The following DOCK4 variants were observed in gnomAD, a reference collection of about 807,000 sequenced individuals.
The protein encoded by DOCK4 is dedicator of cytokinesis 4.
Under a neutral mutation model 268.1 loss-of-function variants are expected in DOCK4, and 97 were observed. The ratio of observed to expected loss-of-function variants is 0.36; its 90% CI spans 0.31 to 0.43. The LOEUF (loss-of-function observed/expected upper bound fraction) is 0.43, where lower values mean the gene tolerates loss of function less well. DOCK4 is among the 20% of genes least tolerant of loss of function. The probability of loss-of-function intolerance (pLI) is 1.00; values close to 1 mark genes in which losing one functional copy is unlikely to be tolerated. For missense variants in DOCK4, 2,145 were observed against 2,455.7 expected, an observed-to-expected ratio of 0.87 and a Z score of 2.67; for synonymous variants, 954 against 887.2, an observed-to-expected ratio of 1.08 and a Z score of -1.34.
chr7:111,728,326 G>A lies in DOCK4; in HGVS notation c.5876C>T (p.Thr1959Ile). ...GGGCCTGGGCCGCGGGCCGGGGTCAGTCCTCCGGGCCCCATTCTCCAGGTG... is the reference window on the plus strand; with the variant it reads ...GGGCCTGGGCCGCGGGCCGGGGTCAATCCTCCGGGCCCCATTCTCCAGGTG... ...SSHLENGARRTDPGPRPRPLP... is the reference protein window; with the variant it reads ...SSHLENGARRIDPGPRPRPLP... The change falls in exon 53 of 53, where the codon ACT (threonine) becomes ATT (isoleucine). Residue 1959 changes from threonine to isoleucine, a missense_variant. Thr to Ile is a moderately conservative substitution (Grantham distance 89, BLOSUM62 -1). Around this residue, in one of 2 missense-constraint regions of DOCK4, gnomAD observed 547 missense variants for 469.0 expected, o/e 1.17. Coordinates refer to ENST00000428084, the MANE Select transcript of DOCK4 (RefSeq NM_001363540.2). 1 of 1,515,562 alleles carries A rather than the reference G, an allele frequency of 6.6e-7. No individual in the cohort carries two copies. Among genetic ancestry groups the A allele is most frequent in the Non-Finnish European group, 8.8e-7 (1 of 1,133,936 alleles). 93.9% of individuals were successfully genotyped at this position (1,515,562 alleles called of 1,614,324 possible).
intron 23 of DOCK4, among the ~76,000 whole-genome samples, chr7:111,847,742 G>A (rs566832275): frequency 1.3e-5 from 2 of 152,296 alleles, no homozygotes; most frequent in South Asian, 4.1e-4. Flanking sequence ...CGCCATGATT[G>A]TGAGGCCTTC....
At position 111,752,086 on chromosome 7, in the gene DOCK4, A is replaced by G. The variant is rs572751705; in HGVS notation, c.4416+3429T>C. On this transcript the variant is annotated intron_variant, in intron 42 of 52. Coordinates refer to ENST00000428084, the MANE Select transcript of DOCK4 (RefSeq NM_001363540.2). The stretch of plus-strand genomic sequence containing the variant: ...GTGACAATATTTCAGGTTTTTAAAA[A>G]TAAATATGAATACTAAAATATTTGT... 2.0e-5 allele frequency among the ~76,000 whole-genome samples: 3 copies of G among 152,368 alleles called. No individual in the cohort carries two copies. The East Asian group carries it at 5.8e-4, about 29-fold the overall frequency.
intron 1 of DOCK4, among the ~76,000 whole-genome samples, chr7:112,037,563 T>C (rs752064444): frequency 4.6e-5 from 7 of 152,242 alleles, no homozygotes; most frequent in South Asian, 2.1e-4. Context: ...AGATACTCTA[T>C]TATGCCTGCC....
intron 1 of DOCK4, among the ~76,000 whole-genome samples, chr7:112,076,249 AAC>A (rs1371095569): frequency 1.3e-5 from 2 of 152,116 alleles, no homozygotes; most frequent in Non-Finnish European, 2.9e-5. Context: ...GTTTACAGTA[AAC>A]ACACAATAAA....
At position 111,895,776 on chromosome 7, in the gene DOCK4, G is replaced by A. The variant is rs1586295912; in HGVS notation, c.1481-58C>T. 6.0e-6 allele frequency: 9 copies of A among 1,490,524 alleles called. No homozygotes were observed. The East Asian group carries it at 1.8e-4, about 30-fold the overall frequency. 92.3% of individuals were successfully genotyped at this position (1,490,524 alleles called of 1,614,324 possible). A position where few individuals can be genotyped will look rare whatever the true frequency, so the allele number is the denominator to read the frequency against. On this transcript the variant is annotated intron_variant, in intron 15 of 52. Coordinates refer to ENST00000428084, the MANE Select transcript of DOCK4 (RefSeq NM_001363540.2). ...GTATCTATGTTCAGGTACATAGTTT[G>A]TCAAGAAGCATAATCATCGAGAAAT... is the stretch of plus-strand genomic sequence containing the variant.
chr7:111,752,184 A>T (rs1344386321), intron 42 of DOCK4, among the ~76,000 whole-genome samples: 1 of 152,254 alleles, frequency 6.6e-6, no homozygotes, highest in Non-Finnish European at 1.5e-5. Flanking sequence ...AGACATGTAG[A>T]TGAAACAAAA....
chr7:112,046,763 T>A (rs1044535972), intron 1 of DOCK4, among the ~76,000 whole-genome samples: 1 of 152,156 alleles, frequency 6.6e-6, no homozygotes, highest in African/African-American at 2.4e-5. Context: ...CTACATATGA[T>A]GTGAGCCCTA....
chr7:111,821,024 CT>C (rs1694235137), intron 27 of DOCK4: 1 of 147,690 alleles, frequency 6.8e-6, no homozygotes, highest in Non-Finnish European at 1.5e-5. Context: ...CTAAAGAGAG[CT>C]ATTTCAACAC....
At chr7:111,952,521 A>T (rs757209343) in intron 8 of DOCK4, among the ~76,000 whole-genome samples, 19 of 152,198 alleles carry the variant, frequency 1.2e-4, no homozygotes, top group Non-Finnish European at 2.4e-4. Context: ...ATCTTTCTGC[A>T]TGGATTTATA....
chr7:112,168,854 G>A (rs1817833291), intron 1 of DOCK4, among the ~76,000 whole-genome samples: 1 of 152,232 alleles, frequency 6.6e-6, no homozygotes. Context: ...TGTTGTCCCA[G>A]TTTGGATCAG....
chr7:111,946,919 A>G (rs1019775854), intron 8 of DOCK4, among the ~76,000 whole-genome samples: 2 of 152,230 alleles, frequency 1.3e-5, no homozygotes, highest in African/African-American at 4.8e-5. Flanking sequence ...GTGTGACACT[A>G]TTTATGTTCA....
At chr7:111,868,572 T>C (rs942475275) in intron 21 of DOCK4, among the ~76,000 whole-genome samples, 1 of 151,928 alleles carries the variant, frequency 6.6e-6, no homozygotes, top group African/African-American at 2.4e-5. Context: ...TGGCCAGGCA[T>C]GGTGGCCCAT....
Position 111,877,129 on chromosome 7 carries a change from T to G in DOCK4, c.1645A>C (p.Lys549Gln). ...TTRYLKLPFSKGIFLGNNNQA... is the reference protein window; with the variant it reads ...TTRYLKLPFSQGIFLGNNNQA... ...TTATTATTCCCAAGGAAAATGCCCT[T>G]GGAAAAGGGAAGTTTGAGGTAGCGG... Residue 549 changes from lysine (K) to glutamine (Q), a missense_variant, in exon 17 of 53, where the codon AAG (lysine) becomes CAG (glutamine). Physicochemically the swap from Lys to Gln is moderately conservative, Grantham distance 53. Around this residue, in one of 2 missense-constraint regions of DOCK4, gnomAD observed 1,598 missense variants for 1,986.7 expected, o/e 0.80. Coordinates refer to ENST00000428084, the MANE Select transcript of DOCK4 (RefSeq NM_001363540.2). 1 of 1,592,158 alleles carries G rather than the reference T, an allele frequency of 6.3e-7. No homozygotes were observed. Among genetic ancestry groups the G allele is most frequent in the Non-Finnish European group, 8.5e-7 (1 of 1,169,940 alleles).
At chr7:112,024,669 A>T (rs1340099503) in intron 1 of DOCK4, among the ~76,000 whole-genome samples, 1 of 152,180 alleles carries the variant, frequency 6.6e-6, no homozygotes, top group Non-Finnish European at 1.5e-5. Flanking sequence ...TTCCTGCTTC[A>T]GAAACCTTGA....
intron 1 of DOCK4, among the ~76,000 whole-genome samples, chr7:112,015,937 T>C (rs910972363): frequency 5.9e-5 from 9 of 152,208 alleles, no homozygotes; most frequent in Admixed American, 5.9e-4. Context: ...CTTAATCCCA[T>C]TAACAAGGGA....
chr7:111,794,645 T>C (rs989708034), intron 30 of DOCK4, among the ~76,000 whole-genome samples: 1 of 152,202 alleles, frequency 6.6e-6, no homozygotes, highest in Non-Finnish European at 1.5e-5. Flanking sequence ...GCATTCCCTA[T>C]GGCAGGCACT....
rs1178482244 is a variant in DOCK4, at chr7:111,783,910, G to T, written c.3471C>A (p.Gly1157=). The T allele has an allele frequency of 1.2e-6, 2 of 1,605,246 alleles. No individual in the cohort carries two copies. Among genetic ancestry groups the T allele is most frequent in the South Asian group, 1.1e-5 (1 of 89,412 alleles). ...GAGTTACAGTAGCAATTAATGAAAC[G>T]CCACTTTCCCGCCATGTTTCCCGCT... ...KIERETWRES[G]VSLIATVTRL... The change falls in exon 34 of 53, where the codon GGC becomes GGA. Residue 1157 remains glycine, a synonymous_variant. Coordinates refer to ENST00000428084, the MANE Select transcript of DOCK4 (RefSeq NM_001363540.2).
intron 1 of DOCK4, among the ~76,000 whole-genome samples, chr7:112,040,363 G>C (rs950940155): frequency 6.6e-5 from 10 of 152,068 alleles, no homozygotes; most frequent in Non-Finnish European, 1.5e-4. Flanking sequence ...AAATCATTCT[G>C]CCCCAAACAG....
chr7:112,055,795 C>T (rs980193680), intron 1 of DOCK4, among the ~76,000 whole-genome samples: 1 of 151,798 alleles, frequency 6.6e-6, no homozygotes, highest in East Asian at 1.9e-4. Context: ...GTAAACCCAG[C>T]TACTCAGAAG....
Sources: allele counts gnomAD v4.1 joint callset (sites outside exome capture counted in the v4.1 genomes callset), GRCh38; gene constraint gnomAD v4.1.1; regional missense constraint gnomAD v4.1.1; transcripts MANE v1.5; gene names NCBI Gene and HGNC (gene_info 2026-07-23, HGNC 2026-07-21).